TTC38: variants seen among roughly 807,000 people sequenced by gnomAD.
TTC38 encodes tetratricopeptide repeat domain 38, also known as tetratricopeptide repeat protein 38.
TTC38 carries 64 observed loss-of-function variants against 64.2 expected under a neutral mutation model. The observed-to-expected ratio is 1.00, with a 90% CI of 0.81 to 1.23. The LOEUF is 1.23. TTC38 is among the 50% of genes most tolerant of loss of function. The pLI, the probability that TTC38 is intolerant of heterozygous loss-of-function variation, is 0.00. For missense variants in TTC38, 573 were observed against 615.5 expected (o/e 0.93, Z 0.73); for synonymous variants, 254 against 249.3 (o/e 1.02, Z -0.18).
chr22:46,291,095 C>T lies in TTC38; in HGVS notation c.1316+1196C>T, dbSNP rs1423539592. 6.6e-6 allele frequency among the ~76,000 whole-genome samples: 1 copy of T among 152,200 alleles called. No individual in the cohort carries two copies. Among genetic ancestry groups the T allele is most frequent in the Admixed American group, 6.5e-5 (1 of 15,288 alleles). On this transcript the variant is annotated intron_variant, in intron 13 of 13. Transcript: ENST00000381031. This position sits in a 1 kb window ranked among gnomAD's most constrained non-coding sequence, Gnocchi z 4.6. ...ACTGAGCTGTACAGGTTCTGTGGTA[C>T]TCATGAAACAGGTCTGGCTGGCAGC...
rs932383208 is a variant in TTC38, at chr22:46,282,404, T to C, written c.735+686T>C. On this transcript the variant is annotated intron_variant, in intron 7 of 13. Transcript: ENST00000381031. The surrounding 1 kb of genome is among the most constrained non-coding windows in gnomAD (Gnocchi z 4.4). ...CTCAGGGAAGGAAAGGCTAGCACCA[T>C]GGTGGAGGTGGGCCCTCTGGACAGA... Among the ~76,000 whole-genome samples, 2 of 152,110 alleles carry C rather than the reference T, an allele frequency of 1.3e-5. No individual in the cohort carries two copies. Among genetic ancestry groups the C allele is most frequent in the Non-Finnish European group, 2.9e-5 (2 of 67,994 alleles).
chr22:46,272,238 G>A lies in TTC38; in HGVS notation c.112-97G>A, dbSNP rs913306857. On this transcript the variant is annotated intron_variant, in intron 2 of 13. Coordinates refer to ENST00000381031, the MANE Select transcript of TTC38 (RefSeq NM_017931.4). This position sits in a 1 kb window ranked among gnomAD's most constrained non-coding sequence, Gnocchi z 6.4. ...ACTCCTGACCTCAGATGTTCTGCCC[G>A]CCTCGGCCTCCCAAAGTGTAAACCT... 165 of 927,312 alleles carry A rather than the reference G, an allele frequency of 1.8e-4. 2 individuals carry two copies. Among genetic ancestry groups the A allele is most frequent in the South Asian group, 1.4e-3 (99 of 70,602 alleles). The allele number at this position is 927,312 out of a possible 1,614,324, so 57.4% of individuals were successfully genotyped here.
At position 46,281,643 on chromosome 22, in the gene TTC38, C is replaced by T. The variant is rs370246262; in HGVS notation, c.660C>T (p.Val220=). The T allele has an allele frequency of 5.0e-6, 8 of 1,614,060 alleles. No individual in the cohort carries two copies. The Admixed American group carries it at 6.7e-5, about 13-fold the overall frequency. Residue 220 remains valine, a synonymous_variant, in exon 7 of 14, where the codon GTC becomes GTT. Coordinates refer to ENST00000381031, the MANE Select transcript of TTC38 (RefSeq NM_017931.4). This position sits in a 1 kb window ranked among gnomAD's most constrained non-coding sequence, Gnocchi z 5.2. ...CAGACGCATGGTCGGTGCACACCGT[C>T]GCTCACATCCACGAGATGAAAGCAG... ...NPTDAWSVHT[V]AHIHEMKAEI...
intron 5 of TTC38, among the ~76,000 whole-genome samples, chr22:46,278,181 C>A (rs1422860676): frequency 6.6e-6 from 1 of 152,236 alleles, no homozygotes. Context: ...GTACTCACAG[C>A]TTTGAGGGCC....
intron 10 of TTC38, among the ~76,000 whole-genome samples, chr22:46,287,954 A>G (rs1435066649): frequency 2.0e-5 from 3 of 152,206 alleles, no homozygotes; most frequent in Non-Finnish European, 4.4e-5. Flanking sequence ...GCTGGAGGGC[A>G]GGCTTGATGT....
In TTC38 at chr22:46,274,962, A is replaced by G. The variant is rs1936975905; in HGVS notation, c.366-286A>G. On this transcript the variant is annotated intron_variant, in intron 4 of 13. Transcript: ENST00000381031. This position sits in a 1 kb window ranked among gnomAD's most constrained non-coding sequence, Gnocchi z 4.8. ...CTCAGCCTCCCGGGTAGCTGGGATT[A>G]CAGGCACATATCACCACACCCTGCT... Among the ~76,000 whole-genome samples, 1 of 152,112 alleles carries G rather than the reference A, an allele frequency of 6.6e-6. No individual in the cohort carries two copies. The highest frequency in any genetic ancestry group is 1.5e-5 in the Non-Finnish European group (1 of 68,022).
chr22:46,268,573 C>T lies in TTC38; in HGVS notation c.93C>T (p.Phe31=), dbSNP rs1165819813. The change falls in exon 2 of 14, where the codon TTC becomes TTT. Residue 31 remains phenylalanine, a synonymous_variant. Transcript: ENST00000381031. ...STTSNEACKL[F]DATLTQYVKW... is the part of the protein sequence containing the mutation. ...CAAGCAACGAAGCCTGCAAGCTGTT[C>T]GATGCCACGCTGACCCAGGTATGCC... 8.7e-6 allele frequency: 14 copies of T among 1,613,862 alleles called. No homozygotes were observed. Among genetic ancestry groups the T allele is most frequent in the Admixed American group, 1.7e-5 (1 of 60,018 alleles).
At chr22:46,288,621 C>G in intron 11 of TTC38, 33 bp downstream of exon 11, 1 of 1,605,040 alleles carries the variant, frequency 6.2e-7, no homozygotes, top group South Asian at 1.1e-5. Context: ...GGTGGGGGTC[C>G]TCACCCTGCC....
chr22:46,277,711 C>T (rs535592664), intron 5 of TTC38, among the ~76,000 whole-genome samples: 3 of 151,762 alleles, frequency 2.0e-5, no homozygotes, highest in Non-Finnish European at 4.4e-5. Context: ...CTGAGTTGGA[C>T]AGACAGGTCC....
chr22:46,285,342 C>A, intron 9 of TTC38, 63 bp downstream of exon 9: 6 of 1,511,010 alleles, frequency 4.0e-6, no homozygotes, highest in Non-Finnish European at 5.5e-6. Context: ...CTCAAAGAGA[C>A]CAGATTTTTG....
Position 46,285,261 on chromosome 22 carries a change from G to A in TTC38, c.816G>A (p.Leu272=), listed in dbSNP as rs762719113. 4 of 1,614,190 alleles carry A rather than the reference G, an allele frequency of 2.5e-6. No homozygotes were observed. The highest frequency in any genetic ancestry group is 3.4e-6 in the Non-Finnish European group (4 of 1,180,020). ...TCCAGGGCGAATATGAGGCCGCGCT[G>A]ACCATCTACGATACCCACGTAAGTT... ...LIEKGEYEAA[L]TIYDTHILPS... is the part of the protein sequence containing the mutation. The change falls in exon 9 of 14, where the codon CTG becomes CTA. Residue 272 remains leucine (L), a synonymous_variant. Transcript: ENST00000381031.
At chr22:46,283,149 G>A (rs965366587) in intron 7 of TTC38, among the ~76,000 whole-genome samples, 3 of 151,990 alleles carry the variant, frequency 2.0e-5, no homozygotes, top group Admixed American at 2.0e-4. Context: ...ATGTTGCCCA[G>A]GTGGGTCTTG....
At position 46,274,076 on chromosome 22, in the gene TTC38, G is replaced by T. The variant is rs756597024; in HGVS notation, c.365+7G>T. On this transcript the variant is annotated splice_region_variant and intron_variant, in intron 4 of 13. Coordinates refer to ENST00000381031, the MANE Select transcript of TTC38 (RefSeq NM_017931.4). This position sits in a 1 kb window ranked among gnomAD's most constrained non-coding sequence, Gnocchi z 4.8. ...TAGAGACATTTGCCAATGGGTGAGG[G>T]GCCTCCCTGGGCTGGGAGCTGGCAC... The T allele has an allele frequency of 1.9e-6, 3 of 1,613,354 alleles. No individual in the cohort carries two copies. The highest frequency in any genetic ancestry group is 2.5e-6 in the Non-Finnish European group (3 of 1,179,786).
intron 12 of TTC38, 109 bp from the exon 13 acceptor site, chr22:46,289,717 T>C: frequency 6.8e-7 from 1 of 1,461,658 alleles, no homozygotes; most frequent in African/African-American, 1.4e-5. Flanking sequence ...GTTGAGGGTG[T>C]GGCATCAACA....
Position 46,273,145 on chromosome 22 carries a change from T to C in TTC38, c.193+729T>C, listed in dbSNP as rs890129972. On this transcript the variant is annotated intron_variant, in intron 3 of 13. Coordinates refer to ENST00000381031, the MANE Select transcript of TTC38 (RefSeq NM_017931.4). The surrounding 1 kb of genome is among the most constrained non-coding windows in gnomAD (Gnocchi z 5.1). ...AGAACGGGGGAGCCAAACCCAGTCA[T>C]GGGGAGCCAGGAGCCAGGGGTGGGC... Among the ~76,000 whole-genome samples the C allele has an allele frequency of 2.0e-5, 3 of 152,106 alleles. No homozygotes were observed. The highest frequency in any genetic ancestry group is 4.4e-5 in the Non-Finnish European group (3 of 67,998).
chr22:46,287,034 G>A, intron 9 of TTC38, 39 bp from the exon 10 acceptor site: 1 of 1,540,986 alleles, frequency 6.5e-7, no homozygotes, highest in Non-Finnish European at 8.8e-7. Context: ...CATCATCTGG[G>A]CCACCCGCTG....
chr22:46,289,337 G>A, intron 11 of TTC38, 65 bp from the exon 12 acceptor site: 1 of 1,561,870 alleles, frequency 6.4e-7, no homozygotes, highest in Non-Finnish European at 8.7e-7. Context: ...AGGAAGAAAT[G>A]GCTCTGCCCT....
Position 46,283,997 on chromosome 22 carries a change from A to G in TTC38, c.760A>G (p.Asn254Asp). The G allele has an allele frequency of 6.3e-7, 1 of 1,599,786 alleles. No homozygotes were observed. ...WKDSDMLACH[N>D]YWHWALYLIE... The stretch of plus-strand genomic sequence containing the variant: ...GGACTCTGATATGTTGGCTTGTCAT[A>G]ACTATTGGCACTGGGCTTTATATCT... Residue 254 changes from asparagine (N) to aspartate (D), a missense_variant, in exon 8 of 14, where the codon AAC (asparagine) becomes GAC (aspartate). By Grantham distance (23) the Asn-to-Asp change is conservative (BLOSUM62 1). Coordinates refer to ENST00000381031, the MANE Select transcript of TTC38 (RefSeq NM_017931.4).
chr22:46,269,288 CTG>C (rs1936840937), intron 2 of TTC38: 5 of 265,974 alleles, frequency 1.9e-5, no homozygotes, highest in Middle Eastern at 9.0e-4. Flanking sequence ...TGGGATGAAT[CTG>C]TGAGTATACT....
Sources: gnomAD v4.1 joint callset for allele counts (sites outside exome capture counted in the v4.1 genomes callset) on GRCh38, gnomAD v4.1.1 for gene constraint, Gnocchi (gnomAD v3.1) non-coding constraint, MANE v1.5 for transcripts, NCBI Gene and HGNC (gene_info 2026-07-23, HGNC 2026-07-21) for gene names.